L3MBTL4: variants seen among roughly 807,000 people sequenced by gnomAD.
L3MBTL4 encodes lethal(3)malignant brain tumor-like protein 4.
A neutral mutation model predicts 84.5 loss-of-function variants in L3MBTL4; 70 were observed. The observed-to-expected ratio is 0.83, with a 90% CI of 0.68 to 1.01. The LOEUF (loss-of-function observed/expected upper bound fraction) is 1.01. Among genes scored for constraint, L3MBTL4 ranks in the 50% least tolerant of loss-of-function variants. The pLI, the probability that L3MBTL4 is intolerant of heterozygous loss-of-function variation, is 0.00. For synonymous variants in L3MBTL4, 274 were observed against 259.8 expected, an observed-to-expected ratio of 1.05 and a Z score of -0.52; for missense variants, 715 against 754.8, an observed-to-expected ratio of 0.95 and a Z score of 0.62.
At chr18:6,113,464 C>CAAAAAAAAAAAAAAAAAAAAAGAAA in intron 14 of L3MBTL4, among the ~76,000 whole-genome samples, 1 of 113,802 alleles carries the variant, frequency 8.8e-6, no homozygotes, top group Non-Finnish European at 1.7e-5. Flanking sequence ...CAAGTGTGGG[C>CAAAAAAAAAAAAAAAAAAAAAGAAA]AAAAAAAAAA....
chr18:6,392,167 G>C lies in L3MBTL4; in HGVS notation c.-91+22634C>G, dbSNP rs567314119. 6.2e-4 allele frequency among the ~76,000 whole-genome samples: 94 copies of C among 152,186 alleles called. 1 individual carries two copies. The South Asian group carries it at 6.6e-3, about 11-fold the overall frequency. On this transcript the variant is annotated intron_variant, in intron 1 of 18. Transcript: ENST00000317931. ...ATAAAAGTAGGCACACAAACCAATG[G>C]AACATAATAGAGAGCCCAGAAATAA...
chr18:6,372,836 C>T (rs1040559897), intron 1 of L3MBTL4, among the ~76,000 whole-genome samples: 5 of 152,196 alleles, frequency 3.3e-5, no homozygotes, highest in Admixed American at 6.5e-5. Flanking sequence ...GACTCCAATT[C>T]TTTCACTTAA....
chr18:6,053,455 T>C (rs568027562), intron 16 of L3MBTL4, among the ~76,000 whole-genome samples: 39 of 152,258 alleles, frequency 2.6e-4, no homozygotes, highest in Admixed American at 5.9e-4. Context: ...TCATGCACAT[T>C]TGTCTGATAA....
At chr18:5,999,160 C>T (rs1021640883) in intron 16 of L3MBTL4, among the ~76,000 whole-genome samples, 30 of 152,292 alleles carry the variant, frequency 2.0e-4, no homozygotes, top group African/African-American at 7.0e-4. Flanking sequence ...GCCACAGAGC[C>T]TTGAGGATGC....
intron 16 of L3MBTL4, among the ~76,000 whole-genome samples, chr18:5,980,433 T>G (rs1347704385): frequency 7.0e-6 from 1 of 143,790 alleles, no homozygotes; most frequent in Non-Finnish European, 1.5e-5. Flanking sequence ...GTTTGCGCTT[T>G]TTTTTTTTTT....
intron 16 of L3MBTL4, among the ~76,000 whole-genome samples, chr18:6,027,604 A>G (rs2145569065): frequency 6.6e-6 from 1 of 152,346 alleles, no homozygotes; most frequent in Admixed American, 6.5e-5. Flanking sequence ...TCCTTGAGGA[A>G]TTGCCACACT....
At chr18:6,119,176 A>T (rs1230074954) in intron 14 of L3MBTL4, among the ~76,000 whole-genome samples, 1 of 143,698 alleles carries the variant, frequency 7.0e-6, no homozygotes, top group Non-Finnish European at 1.5e-5. Flanking sequence ...GCACTGGTTT[A>T]TTTGCCACCA....
intron 12 of L3MBTL4, among the ~76,000 whole-genome samples, chr18:6,189,605 A>G (rs2044965511): frequency 6.6e-6 from 1 of 152,264 alleles, no homozygotes; most frequent in African/African-American, 2.4e-5. Context: ...CTAGCAAAAA[A>G]GAACATTAAT....
At chr18:6,002,387 G>C (rs1327035866) in intron 16 of L3MBTL4, among the ~76,000 whole-genome samples, 4 of 152,064 alleles carry the variant, frequency 2.6e-5, no homozygotes, top group Non-Finnish European at 4.4e-5. Context: ...AAAATACATA[G>C]ACAAATATTT....
intron 15 of L3MBTL4, among the ~76,000 whole-genome samples, chr18:6,092,125 T>C (rs2058479950): frequency 6.6e-6 from 1 of 152,166 alleles, no homozygotes; most frequent in Non-Finnish European, 1.5e-5. Context: ...TGTGTATCCA[T>C]AGGAAATAGA....
intron 1 of L3MBTL4, among the ~76,000 whole-genome samples, chr18:6,317,874 A>C (rs1198571943): frequency 6.6e-6 from 1 of 152,170 alleles, no homozygotes; most frequent in Non-Finnish European, 1.5e-5. Context: ...GTAACATATA[A>C]AGAAAAATCT....
In L3MBTL4 at chr18:6,337,720, G is replaced by A. The variant is rs78228730; in HGVS notation, c.-90-25664C>T. Among the ~76,000 whole-genome samples the A allele has an allele frequency of 3.9e-3, 589 of 152,162 alleles. 7 individuals are homozygous for A. The highest frequency in any genetic ancestry group is 0.013 in the African/African-American group (537 of 41,528). On this transcript the variant is annotated intron_variant, in intron 1 of 18. Coordinates refer to ENST00000317931, the MANE Select transcript of L3MBTL4 (RefSeq NM_001330559.2). ...TGTGAAAACTCACTAAGCTGAACAC[G>A]TATGTTCGATGAACTTTTACAGATA... is the stretch of plus-strand genomic sequence containing the variant.
In L3MBTL4 at chr18:5,954,896, G is replaced by A. The variant is rs1462411993; in HGVS notation, c.*1324C>T. ...CTTTTAGGTAAAGATCTAAAGAAAT[G>A]TTATATATGCACACCTCTTAGAGTT... On this transcript the variant is annotated 3_prime_UTR_variant, in exon 19 of 19. Coordinates refer to ENST00000317931, the MANE Select transcript of L3MBTL4 (RefSeq NM_001330559.2). The A allele has an allele frequency of 1.3e-5, 2 of 152,014 alleles. No individual in the cohort carries two copies. Among genetic ancestry groups the A allele is most frequent in the African/African-American group, 4.8e-5 (2 of 41,384 alleles). 9.4% of individuals were successfully genotyped at this position (152,014 alleles called of 1,614,324 possible).
intron 16 of L3MBTL4, among the ~76,000 whole-genome samples, chr18:6,024,614 C>T (rs2055421696): frequency 6.6e-6 from 1 of 152,164 alleles, no homozygotes; most frequent in South Asian, 2.1e-4. Context: ...ATAAATAGTG[C>T]CTCTGCTAAT....
intron 13 of L3MBTL4, among the ~76,000 whole-genome samples, chr18:6,171,104 A>C (rs2043951167): frequency 6.6e-6 from 1 of 152,196 alleles, no homozygotes; most frequent in Non-Finnish European, 1.5e-5. Flanking sequence ...TCCATGTAAG[A>C]TATCCTCATT....
intron 1 of L3MBTL4, among the ~76,000 whole-genome samples, chr18:6,377,845 G>A (rs576458480): frequency 2.0e-5 from 3 of 152,140 alleles, no homozygotes; most frequent in Non-Finnish European, 4.4e-5. Flanking sequence ...CCCAGTAATG[G>A]GATGGCTAGG....
chr18:6,301,830 T>C, intron 4 of L3MBTL4, 73 bp downstream of exon 4: 3 of 1,057,860 alleles, frequency 2.8e-6, no homozygotes, highest in Non-Finnish European at 4.5e-6. Context: ...CTAAAACAAC[T>C]AAGCAATCTA....
At chr18:6,029,820 G>C (rs2055695413) in intron 16 of L3MBTL4, 1 of 985,404 alleles carries the variant, frequency 1.0e-6, no homozygotes. Flanking sequence ...GAACGAGTAA[G>C]GGTAGCTGAG....
chr18:6,167,824 C>A (rs2043753270), intron 13 of L3MBTL4, among the ~76,000 whole-genome samples: 2 of 152,140 alleles, frequency 1.3e-5, no homozygotes. Context: ...GAAGTTCTGG[C>A]CAGGGCAATC....
Sources: gnomAD v4.1 joint callset for allele counts (sites outside exome capture counted in the v4.1 genomes callset) on GRCh38, gnomAD v4.1.1 for gene constraint, MANE v1.5 for transcripts, NCBI Gene and HGNC (gene_info 2026-07-23, HGNC 2026-07-21) for gene names.